The following ENTREP2 variants were observed in gnomAD, a reference collection of about 807,000 sequenced individuals.
The protein encoded by ENTREP2 is endosomal transmembrane epsin interactor 2.
the ENTREP2 span, among the ~76,000 whole-genome samples, chr15:29,493,365 C>T: frequency 2.0e-5 from 3 of 151,276 alleles, no homozygotes; most frequent in Admixed American, 6.6e-5. Flanking sequence ...GATCTCCTGA[C>T]CTCGTGATCC....
the ENTREP2 span, among the ~76,000 whole-genome samples, chr15:29,298,963 A>C: frequency 1.3e-5 from 2 of 152,232 alleles, no homozygotes; most frequent in Non-Finnish European, 2.9e-5. Context: ...ATCCTAAACA[A>C]AACTTTAACA....
the ENTREP2 span, among the ~76,000 whole-genome samples, chr15:29,560,670 T>A: frequency 6.6e-6 from 1 of 152,020 alleles, no homozygotes; most frequent in African/African-American, 2.4e-5. Flanking sequence ...CTCCACAGGT[T>A]CCAGCTATGG....
chr15:29,666,678 G>T, the ENTREP2 span, among the ~76,000 whole-genome samples: 1 of 152,138 alleles, frequency 6.6e-6, no homozygotes, highest in African/African-American at 2.4e-5. Context: ...CCCACCTCAG[G>T]ACTTTTGCAC....
chr15:29,548,794 G>A, the ENTREP2 span, among the ~76,000 whole-genome samples: 1 of 152,140 alleles, frequency 6.6e-6, no homozygotes, highest in East Asian at 1.9e-4. Context: ...ATGAGGATTT[G>A]TTATATTATC....
At chr15:29,658,372 C>T in the ENTREP2 span, among the ~76,000 whole-genome samples, 5 of 152,176 alleles carry the variant, frequency 3.3e-5, no homozygotes, top group Admixed American at 2.0e-4. Flanking sequence ...GTCAATTAAA[C>T]CTCTTTCCTT....
chr15:29,203,541 A>T, the ENTREP2 span, among the ~76,000 whole-genome samples: 2 of 152,236 alleles, frequency 1.3e-5, no homozygotes, highest in East Asian at 3.9e-4. Flanking sequence ...CATTTCTCTA[A>T]TGATCAGTGA....
At chr15:29,398,848 C>A in the ENTREP2 span, among the ~76,000 whole-genome samples, 2 of 152,186 alleles carry the variant, frequency 1.3e-5, no homozygotes, top group Non-Finnish European at 2.9e-5. Context: ...TCCCTTGGGC[C>A]GTGGGTGGGA....
the ENTREP2 span, chr15:29,269,563 G>T: frequency 6.6e-7 from 1 of 1,526,400 alleles, no homozygotes; most frequent in African/African-American, 1.4e-5. Context: ...GGACGTGCTC[G>T]GGGCCTCCTC....
At chr15:29,188,907 G>A in the ENTREP2 span, among the ~76,000 whole-genome samples, 20 of 152,198 alleles carry the variant, frequency 1.3e-4, no homozygotes, top group Non-Finnish European at 2.4e-4. Flanking sequence ...GAGCTTCTGC[G>A]TCAGCGAACA....
At chr15:29,346,388 G>T in the ENTREP2 span, among the ~76,000 whole-genome samples, 3 of 152,140 alleles carry the variant, frequency 2.0e-5, no homozygotes, top group Non-Finnish European at 4.4e-5. Context: ...CAGGAGTCCT[G>T]GCACAAAAAC....
the ENTREP2 span, chr15:29,195,423 C>T: frequency 5.2e-6 from 3 of 578,398 alleles, no homozygotes; most frequent in Non-Finnish European, 6.6e-6. Context: ...CCCCTGCATA[C>T]TGCATTCCCT....
the ENTREP2 span, among the ~76,000 whole-genome samples, chr15:29,306,283 A>G: frequency 6.6e-6 from 1 of 152,296 alleles, no homozygotes; most frequent in African/African-American, 2.4e-5. Flanking sequence ...AATTGGGCAC[A>G]AGGATCCTTG....
chr15:29,401,393 C>T, the ENTREP2 span, among the ~76,000 whole-genome samples: 833 of 152,116 alleles, frequency 5.5e-3, 8 homozygotes, highest in African/African-American at 0.02. Context: ...GAACAATAAA[C>T]ATGTAACAGA....
the ENTREP2 span, among the ~76,000 whole-genome samples, chr15:29,423,972 T>G: frequency 6.6e-6 from 1 of 152,340 alleles, no homozygotes; most frequent in East Asian, 1.9e-4. Context: ...CCCCGTGGGT[T>G]CTTGGTCTTG....
the ENTREP2 span, among the ~76,000 whole-genome samples, chr15:29,194,162 C>G: frequency 6.6e-6 from 1 of 152,220 alleles, no homozygotes; most frequent in Non-Finnish European, 1.5e-5. Flanking sequence ...TAAGACAATT[C>G]TGAAAAGCAA....
the ENTREP2 span, among the ~76,000 whole-genome samples, chr15:29,372,234 A>G: frequency 1.3e-5 from 2 of 152,014 alleles, no homozygotes; most frequent in Non-Finnish European, 2.9e-5. Context: ...CCTCCTCCTC[A>G]GCCTACTCAA....
the ENTREP2 span, among the ~76,000 whole-genome samples, chr15:29,295,157 T>C: frequency 6.6e-6 from 1 of 152,212 alleles, no homozygotes; most frequent in Admixed American, 6.5e-5. Flanking sequence ...TTATTCTAAC[T>C]TCCAGAGGAA....
At chr15:29,549,840 C>T in the ENTREP2 span, among the ~76,000 whole-genome samples, 1 of 152,196 alleles carries the variant, frequency 6.6e-6, no homozygotes, top group Non-Finnish European at 1.5e-5. Flanking sequence ...CTGGAACTCC[C>T]TCTCTCAGGC....
the ENTREP2 span, among the ~76,000 whole-genome samples, chr15:29,334,043 C>T: frequency 5.3e-5 from 8 of 152,162 alleles, no homozygotes; most frequent in African/African-American, 1.9e-4. Flanking sequence ...AGAAGAAATC[C>T]ACGCTGCCAA....
Sources: allele counts gnomAD v4.1 joint callset (sites outside exome capture counted in the v4.1 genomes callset), GRCh38; gene constraint gnomAD v4.1.1; transcripts MANE v1.5; gene names NCBI Gene and HGNC (gene_info 2026-07-23, HGNC 2026-07-21).